The following FER1L6 variants were observed in gnomAD, a reference collection of about 807,000 sequenced individuals.
FER1L6 encodes fer-1 like family member 6.
In FER1L6, 177 loss-of-function variants were observed where a neutral mutation model predicts 219.2. The observed-to-expected ratio is 0.81, with a 90% CI of 0.71 to 0.91. The LOEUF (loss-of-function observed/expected upper bound fraction) is 0.91, where lower values mean the gene tolerates loss of function less well. FER1L6 is among the 40% of genes least tolerant of loss of function. The pLI is 0.00. For synonymous variants in FER1L6, 768 were observed against 824.3 expected (o/e 0.93, Z 1.17); for missense variants, 2,153 against 2,259.9 (o/e 0.95, Z 0.96).
rs1815255874 is a variant in FER1L6, at chr8:123,961,111, A to T, written c.77-2167A>T. ...CTAAAAAAAATATTAACAAGAAAAA[A>T]TTCACCGGTTGTGGTGGAGTGTGCT... On this transcript the variant is annotated intron_variant, in intron 2 of 40. Transcript: ENST00000522917. Among the ~76,000 whole-genome samples the T allele has an allele frequency of 2.0e-5, 3 of 152,214 alleles. No homozygotes were observed. The South Asian group carries it at 6.2e-4, about 32-fold the overall frequency.
At chr8:124,043,119 C>T (rs915314337) in intron 20 of FER1L6, among the ~76,000 whole-genome samples, 8 of 152,094 alleles carry the variant, frequency 5.3e-5, no homozygotes, top group African/African-American at 1.7e-4. Context: ...ATGTGGCAGG[C>T]GTTCAGTAAA....
intron 1 of FER1L6, among the ~76,000 whole-genome samples, chr8:123,893,604 A>T (rs1028980427): frequency 2.6e-5 from 4 of 152,204 alleles, no homozygotes; most frequent in African/African-American, 9.6e-5. Context: ...ATTCATGGCA[A>T]TGTGTTTATT....
At chr8:124,003,467 T>TTC in intron 13 of FER1L6, 120 bp downstream of exon 13, 2 of 734,820 alleles carry the variant, frequency 2.7e-6, no homozygotes, top group Non-Finnish European at 4.2e-6. Flanking sequence ...TTTTTTTTTT[T>TTC]TTTTTTTTTT....
At chr8:124,091,647 A>AT (rs1372560782) in intron 34 of FER1L6, 64 bp downstream of exon 34, 1 of 1,546,046 alleles carries the variant, frequency 6.5e-7, no homozygotes, top group South Asian at 1.2e-5. Flanking sequence ...TTCTAGTGAT[A>AT]TTTTTGGCTA....
chr8:124,020,316 A>C (rs150880855), intron 16 of FER1L6, among the ~76,000 whole-genome samples: 1 of 152,176 alleles, frequency 6.6e-6, no homozygotes, highest in Non-Finnish European at 1.5e-5. Flanking sequence ...TATTAGCAGC[A>C]CGAGAACAGA....
At chr8:123,936,252 T>C (rs1813998818) in intron 1 of FER1L6, among the ~76,000 whole-genome samples, 1 of 152,138 alleles carries the variant, frequency 6.6e-6, no homozygotes, top group Non-Finnish European at 1.5e-5. Flanking sequence ...AACCAGAAGA[T>C]AGACCACATT....
At chr8:124,015,607 A>ATATATGTATATATG (rs1554632087) in intron 15 of FER1L6, among the ~76,000 whole-genome samples, 1 of 88,606 alleles carries the variant, frequency 1.1e-5, no homozygotes, top group African/African-American at 4.3e-5. Flanking sequence ...ATATATATAT[A>ATATATGTATATATG]TATATATATT....
At chr8:124,060,782 AT>A (rs1471376809) in intron 24 of FER1L6, 73 bp downstream of exon 24, 1 of 1,472,958 alleles carries the variant, frequency 6.8e-7, no homozygotes, top group African/African-American at 1.4e-5. Flanking sequence ...AGGGTTTCAG[AT>A]GTCCACTAGC....
At chr8:123,861,476 G>A (rs1475834064) in intron 1 of FER1L6, among the ~76,000 whole-genome samples, 1 of 138,352 alleles carries the variant, frequency 7.2e-6, no homozygotes, top group Non-Finnish European at 1.5e-5. Context: ...CTCTTTTTTG[G>A]TTCCATATGA....
intron 1 of FER1L6, among the ~76,000 whole-genome samples, chr8:123,886,994 C>G (rs1817214749): frequency 6.6e-6 from 1 of 152,118 alleles, no homozygotes; most frequent in Non-Finnish European, 1.5e-5. Flanking sequence ...CAGATCCAGA[C>G]AATGAGATGC....
At chr8:123,906,327 C>T (rs900630013) in intron 1 of FER1L6, among the ~76,000 whole-genome samples, 6 of 152,208 alleles carry the variant, frequency 3.9e-5, no homozygotes, top group East Asian at 3.9e-4. Flanking sequence ...TGTTCTAGAA[C>T]GTGGGCTCTG....
intron 1 of FER1L6, among the ~76,000 whole-genome samples, chr8:123,907,505 G>C (rs1392213157): frequency 6.6e-6 from 1 of 151,906 alleles, no homozygotes; most frequent in African/African-American, 2.4e-5. Flanking sequence ...CCTGCATAGG[G>C]CTGGAAATGT....
chr8:123,867,630 A>C (rs985205931), intron 1 of FER1L6, among the ~76,000 whole-genome samples: 2 of 152,214 alleles, frequency 1.3e-5, no homozygotes, highest in Admixed American at 6.5e-5. Context: ...TTGTTTTGAG[A>C]ATAAAAATGA....
chr8:123,956,239 AC>A (rs1815013402), intron 2 of FER1L6, among the ~76,000 whole-genome samples, 165 bp downstream of exon 2: 1 of 151,990 alleles, frequency 6.6e-6, no homozygotes, highest in Admixed American at 6.6e-5. Context: ...GCCCAAGACA[AC>A]CCCCAAGGCC....
In FER1L6 at chr8:124,071,386, C is replaced by T; in HGVS notation, c.3967-120C>T. 1.8e-5 allele frequency: 24 copies of T among 1,342,174 alleles called. 1 individual carries two copies. In the South Asian group the frequency reaches 3.1e-4, roughly 17 times the overall value. 83.1% of individuals were successfully genotyped at this position (1,342,174 alleles called of 1,614,324 possible). A position where few individuals can be genotyped will look rare whatever the true frequency, so the allele number is the denominator to read the frequency against. ...AAGGACACCCAACTGGCAAGTTTAG[C>T]ACCAAACCAGGTCCTGCAAATTCCC... is the stretch of plus-strand genomic sequence containing the variant. On this transcript the variant is annotated intron_variant, in intron 30 of 40. Coordinates refer to ENST00000522917, the MANE Select transcript of FER1L6 (RefSeq NM_001039112.2).
intron 1 of FER1L6, among the ~76,000 whole-genome samples, chr8:123,867,409 C>A (rs757261076): frequency 5.9e-5 from 9 of 152,172 alleles, no homozygotes; most frequent in Admixed American, 2.6e-4. Context: ...ATATTTTAAC[C>A]TGAGACAATA....
intron 5 of FER1L6, 127 bp downstream of exon 5, chr8:123,966,417 T>C: frequency 8.4e-7 from 1 of 1,187,176 alleles, no homozygotes; most frequent in Non-Finnish European, 1.2e-6. Context: ...GTTAAGCCCA[T>C]GGCAAACTGA....
intron 22 of FER1L6, among the ~76,000 whole-genome samples, chr8:124,054,566 T>C (rs1820197103): frequency 6.6e-6 from 1 of 152,238 alleles, no homozygotes; most frequent in African/African-American, 2.4e-5. Context: ...GTAGCCTGGC[T>C]ATTAAGCTGT....
chr8:123,985,098 T>C (rs1816507426), intron 11 of FER1L6: 5 of 152,218 alleles, frequency 3.3e-5, no homozygotes, highest in Admixed American at 3.3e-4. Flanking sequence ...TGACTTGTTA[T>C]AGTCTAGTCC....
Sources: gnomAD v4.1 joint callset for allele counts (sites outside exome capture counted in the v4.1 genomes callset) on GRCh38, gnomAD v4.1.1 for gene constraint, MANE v1.5 for transcripts, NCBI Gene and HGNC (gene_info 2026-07-23, HGNC 2026-07-21) for gene names.